Variants in ITSN2 observed in about 807,000 individuals in gnomAD.
ITSN2 encodes the protein intersectin 2.
A neutral mutation model predicts 243.7 loss-of-function variants in ITSN2; 156 were observed. The ratio of observed to expected loss-of-function variants is 0.64; its 90% CI spans 0.56 to 0.73. ITSN2 has a LOEUF of 0.73. ITSN2 is among the 30% of genes least tolerant of loss of function. The probability of loss-of-function intolerance (pLI) is 0.00; values close to 1 mark genes in which losing one functional copy is unlikely to be tolerated. For missense variants in ITSN2, 1,801 were observed against 1,996.1 expected (o/e 0.90, Z 1.86); for synonymous variants, 703 against 699.9 (o/e 1.00, Z -0.07).
intron 17 of ITSN2, among the ~76,000 whole-genome samples, chr2:24,283,879 G>A (rs946504958): frequency 3.9e-5 from 6 of 152,164 alleles, no homozygotes; most frequent in Non-Finnish European, 8.8e-5. Context: ...TATGCAATCC[G>A]TAGCAAAAGT....
At chr2:24,323,248 C>T (rs1299378288) in intron 2 of ITSN2, among the ~76,000 whole-genome samples, 1 of 152,148 alleles carries the variant, frequency 6.6e-6, no homozygotes, top group South Asian at 2.1e-4. Flanking sequence ...GAAACGAAGA[C>T]CTATTTCCAC....
At chr2:24,252,590 A>T in intron 24 of ITSN2, 79 bp from the exon 25 acceptor site, 1 of 1,053,742 alleles carries the variant, frequency 9.5e-7, no homozygotes, top group Non-Finnish European at 1.4e-6. Context: ...TTATTCTCCA[A>T]GACATTGTAT....
rs887123928 is a variant in ITSN2, at chr2:24,334,840, G to C, written c.-33-6725C>G. ...GCACTTTGGGAGGCCGAGGCGGGCG[G>C]ATCACGAGGTCAGGAGATCGAGACC... On this transcript the variant is annotated intron_variant, in intron 1 of 39. Coordinates refer to ENST00000355123, the MANE Select transcript of ITSN2 (RefSeq NM_006277.3). 20 of 745,636 alleles carry C rather than the reference G, an allele frequency of 2.7e-5. No homozygotes were observed. The African/African-American group carries it at 3.3e-4, about 12-fold the overall frequency. The allele number at this position is 745,636 out of a possible 1,614,324, so 46.2% of individuals were successfully genotyped here.
intron 1 of ITSN2, among the ~76,000 whole-genome samples, chr2:24,343,238 A>AAT (rs1687213350): frequency 6.6e-6 from 1 of 152,224 alleles, no homozygotes; most frequent in Non-Finnish European, 1.5e-5. Context: ...AACATTAAAA[A>AAT]ATATATATAT....
chr2:24,259,915 G>A (rs558846514), intron 22 of ITSN2, among the ~76,000 whole-genome samples: 2 of 152,234 alleles, frequency 1.3e-5, no homozygotes, highest in African/African-American at 4.8e-5. Context: ...TGAATGGTGA[G>A]TTTCTGGTTT....
intron 34 of ITSN2, chr2:24,210,313 A>G: frequency 2.4e-6 from 1 of 417,154 alleles, no homozygotes; most frequent in Non-Finnish European, 4.3e-6. Flanking sequence ...CCTTAGGAGA[A>G]AGGAAGATGA....
Position 24,252,440 on chromosome 2 carries a change from A to G in ITSN2, c.3025T>C (p.Leu1009=), listed in dbSNP as rs1344434218. ...CACTCTCCATCTTTCTGGGTCACCA[A>G]TATTTCTTCACCTTCTGTGAAAGTC... ...DLTFTEGEEI[L]VTQKDGEWWT... The change falls in exon 25 of 40, where the codon TTG becomes CTG. Residue 1009 remains leucine, a synonymous_variant. Transcript: ENST00000355123. 6.2e-6 allele frequency: 10 copies of G among 1,612,794 alleles called. No individual in the cohort carries two copies. The highest frequency in any genetic ancestry group is 1.7e-5 in the Admixed American group (1 of 60,020).
rs562125140 is a variant in ITSN2 at position 24,264,393 on chromosome 2, A to T, written c.2356-2651T>A. Among the ~76,000 whole-genome samples, 13 of 127,056 alleles carry T rather than the reference A, an allele frequency of 1.0e-4. No homozygotes were observed. In the South Asian group the frequency reaches 3.7e-3, roughly 36 times the overall value. 83.4% of individuals were successfully genotyped at this position (127,056 alleles called of 152,430 possible). A position where few individuals can be genotyped will look rare whatever the true frequency, so the allele number is the denominator to read the frequency against. ...ACAAGAGCGAAACTCTGTCTCAAAA[A>T]AAAAAAAGAAAGAAAGAAAGAAACA... On this transcript the variant is annotated intron_variant, in intron 20 of 39. Transcript: ENST00000355123.
chr2:24,236,557 T>C (rs1261402233), intron 29 of ITSN2, among the ~76,000 whole-genome samples: 6 of 152,242 alleles, frequency 3.9e-5, no homozygotes, highest in African/African-American at 1.2e-4. Context: ...ACTATTGTCA[T>C]AGAGTCTTGT....
chr2:24,328,142 G>C, intron 1 of ITSN2, 27 bp from the exon 2 acceptor site: 1 of 1,561,942 alleles, frequency 6.4e-7, no homozygotes, highest in Non-Finnish European at 8.8e-7. Flanking sequence ...TTGTGCCGTT[G>C]ATAATACAAC....
intron 1 of ITSN2, among the ~76,000 whole-genome samples, chr2:24,344,585 A>G (rs1306632667): frequency 6.6e-6 from 1 of 152,166 alleles, no homozygotes; most frequent in Non-Finnish European, 1.5e-5. Flanking sequence ...CATTTTCTAT[A>G]GCATGCTGTT....
intron 29 of ITSN2, among the ~76,000 whole-genome samples, chr2:24,231,824 C>A (rs570895917): frequency 1.1e-4 from 16 of 152,134 alleles, no homozygotes; most frequent in African/African-American, 3.9e-4. Flanking sequence ...GGAGCAGTGC[C>A]GGTGAACAAT....
intron 23 of ITSN2, among the ~76,000 whole-genome samples, chr2:24,255,920 G>T (rs953000962): frequency 6.6e-6 from 1 of 151,974 alleles, no homozygotes; most frequent in Admixed American, 6.6e-5. Context: ...GGGCATGGTT[G>T]CACATGCCAG....
At chr2:24,284,930 C>CT (rs776179660) in intron 16 of ITSN2, 87 bp from the exon 17 acceptor site, 16 of 649,774 alleles carry the variant, frequency 2.5e-5, no homozygotes, top group East Asian at 6.9e-5. Context: ...TGGAGTCTCA[C>CT]TCTGTCGCCA....
At chr2:24,310,842 C>G (rs1269676773) in intron 5 of ITSN2, 150 bp from the exon 6 acceptor site, 2 of 648,548 alleles carry the variant, frequency 3.1e-6, no homozygotes, top group Non-Finnish European at 5.4e-6. Flanking sequence ...TTTGACCCAG[C>G]AGTGAGGGAG....
At chr2:24,291,741 G>A (rs1403033283) in intron 15 of ITSN2, among the ~76,000 whole-genome samples, 1 of 152,126 alleles carries the variant, frequency 6.6e-6, no homozygotes, top group African/African-American at 2.4e-5. Flanking sequence ...GCCTGCCTTG[G>A]CCTCCCAAAG....
At chr2:24,248,176 C>A (rs1208593176) in intron 27 of ITSN2, among the ~76,000 whole-genome samples, 1 of 151,974 alleles carries the variant, frequency 6.6e-6, no homozygotes, top group Non-Finnish European at 1.5e-5. Context: ...AAAAAAGGTT[C>A]ATCTATGTCT....
At chr2:24,319,670 C>T (rs1044661862) in intron 2 of ITSN2, among the ~76,000 whole-genome samples, 3 of 152,230 alleles carry the variant, frequency 2.0e-5, no homozygotes, top group African/African-American at 7.2e-5. Context: ...CCACTGGAAA[C>T]CCTCAGACTT....
At chr2:24,278,407 A>T (rs183554097) in intron 17 of ITSN2, among the ~76,000 whole-genome samples, 7 of 152,312 alleles carry the variant, frequency 4.6e-5, no homozygotes, top group Admixed American at 4.6e-4. Context: ...TATTTAATAA[A>T]TATTTATTGG....
Sources: allele counts gnomAD v4.1 joint callset (sites outside exome capture counted in the v4.1 genomes callset), GRCh38; gene constraint gnomAD v4.1.1; transcripts MANE v1.5; gene names NCBI Gene and HGNC (gene_info 2026-07-23, HGNC 2026-07-21).